OSBP: variants seen among roughly 807,000 people sequenced by gnomAD.
OSBP encodes the protein oxysterol binding protein, also known as oxysterol-binding protein 1.
OSBP carries 32 observed loss-of-function variants against 96.6 expected under a neutral mutation model. The ratio of observed to expected loss-of-function variants is 0.33; its 90% CI spans 0.25 to 0.45. The LOEUF is 0.45. Ranked by LOEUF, OSBP falls within the 20% of genes least tolerant of loss-of-function variation. The pLI, the probability that OSBP is intolerant of heterozygous loss-of-function variation, is 1.00. For missense variants in OSBP, 653 were observed against 1,029.7 expected (o/e 0.63, Z 5.01); for synonymous variants, 369 against 389.6 (o/e 0.95, Z 0.62).
At chr11:59,577,908 G>T (rs974702182) in intron 12 of OSBP, among the ~76,000 whole-genome samples, 2 of 152,152 alleles carry the variant, frequency 1.3e-5, no homozygotes, top group African/African-American at 4.8e-5. Flanking sequence ...ACAATCCAAA[G>T]GACCTTTAGA....
chr11:59,577,766 C>G (rs1860376632), intron 12 of OSBP, among the ~76,000 whole-genome samples: 1 of 152,248 alleles, frequency 6.6e-6, no homozygotes, highest in Non-Finnish European at 1.5e-5. Flanking sequence ...GCTGGGATTG[C>G]AGGCGTGAGC....
chr11:59,611,878 A>C (rs1565122143), intron 1 of OSBP, among the ~76,000 whole-genome samples: 1 of 152,212 alleles, frequency 6.6e-6, no homozygotes, highest in African/African-American at 2.4e-5. Flanking sequence ...GCTTCACATA[A>C]AATATCAAGC....
Position 59,578,179 on chromosome 11 carries a change from C to T in OSBP, c.2030G>A (p.Arg677Lys). 1 of 1,614,192 alleles carries T rather than the reference C, an allele frequency of 6.2e-7. No individual in the cohort carries two copies. Among genetic ancestry groups the T allele is most frequent in the Non-Finnish European group, 8.5e-7 (1 of 1,180,042 alleles). Residue 677 changes from arginine to lysine, a missense_variant, in exon 12 of 14, where the codon AGG becomes AAG. Arg to Lys is a conservative substitution (Grantham distance 26, BLOSUM62 2). This residue lies in a region of OSBP where 169 missense variants were observed against 251.5 expected (regional missense o/e 0.67). Coordinates refer to ENST00000263847, the MANE Select transcript of OSBP (RefSeq NM_002556.3). ...AGGATTCCTTTTCCACAGCATGACC[C>T]TGCTTTCCTCTGCTTCATGGCCTCT... ...RQRGHEAEES[R>K]VMLWKRNPLP... is the part of the protein sequence containing the mutation.
chr11:59,594,516 C>T (rs1860624361), intron 7 of OSBP, among the ~76,000 whole-genome samples: 1 of 152,184 alleles, frequency 6.6e-6, no homozygotes, highest in Non-Finnish European at 1.5e-5. Context: ...GCTACATACC[C>T]AAGATCCATC....
intron 1 of OSBP, 57 bp downstream of exon 1, chr11:59,615,246 G>C: frequency 7.0e-7 from 1 of 1,428,050 alleles, no homozygotes; most frequent in Non-Finnish European, 9.7e-7. Context: ...CCGGAGCTGG[G>C]ACTGTTGGCA....
At chr11:59,604,756 G>A (rs576350512) in intron 3 of OSBP, among the ~76,000 whole-genome samples, 12 of 151,926 alleles carry the variant, frequency 7.9e-5, no homozygotes, top group African/African-American at 1.9e-4. Context: ...TCAGAAGGCT[G>A]AGGAGTGAGA....
At chr11:59,587,496 C>T (rs988165037) in intron 9 of OSBP, among the ~76,000 whole-genome samples, 1 of 145,050 alleles carries the variant, frequency 6.9e-6, no homozygotes, top group African/African-American at 2.6e-5. Flanking sequence ...TGCGAGACTC[C>T]ATGTCAAAAA....
At chr11:59,595,944 AAAATAAATAAATAAATAAATAAATAAAT>A (rs139081696) in intron 7 of OSBP, among the ~76,000 whole-genome samples, 1 of 138,512 alleles carries the variant, frequency 7.2e-6, no homozygotes, top group Non-Finnish European at 1.5e-5. Context: ...ACTCTGTCTA[AAAATAAATAAATAAATAAATAAATAAAT>A]AAATAAATAA....
Position 59,591,011 on chromosome 11 carries a change from G to A in OSBP, c.1678+2593C>T, listed in dbSNP as rs75181985. Among the ~76,000 whole-genome samples, 867 of 152,278 alleles carry A rather than the reference G, an allele frequency of 5.7e-3. 4 individuals are homozygous for A. Among genetic ancestry groups the A allele is most frequent in the African/African-American group, 0.019 (781 of 41,554 alleles). ...TTCCCAAACACTGAGAACGATGCCC[G>A]CCATGTGGCAGATACTCAGTTAAGC... On this transcript the variant is annotated intron_variant, in intron 9 of 13. Transcript: ENST00000263847.
intron 6 of OSBP, 33 bp from the exon 7 acceptor site, chr11:59,600,660 C>T (rs1015559425): frequency 6.2e-7 from 1 of 1,601,638 alleles, no homozygotes; most frequent in African/African-American, 1.4e-5. Context: ...CAACCACCCA[C>T]AAAGAACAGA....
rs1330097161 is a variant in OSBP at position 59,576,458 on chromosome 11, T to A, written c.*119A>T. The A allele has an allele frequency of 8.8e-7, 1 of 1,130,216 alleles. No individual in the cohort carries two copies. Among genetic ancestry groups the A allele is most frequent in the Non-Finnish European group, 1.3e-6 (1 of 797,044 alleles). The allele number at this position is 1,130,216 out of a possible 1,614,324, so 70.0% of individuals were successfully genotyped here. On this transcript the variant is annotated 3_prime_UTR_variant, in exon 14 of 14. Coordinates refer to ENST00000263847, the MANE Select transcript of OSBP (RefSeq NM_002556.3). Reference sequence around the variant, plus strand: ...CTGGTGATTGATTTGGAAAAAATGATTGGTCAAGAGAGACAAACTTGAGGA... The same window carrying A: ...CTGGTGATTGATTTGGAAAAAATGAATGGTCAAGAGAGACAAACTTGAGGA...
chr11:59,602,553 C>T (rs1040740835), intron 3 of OSBP, among the ~76,000 whole-genome samples: 21 of 152,156 alleles, frequency 1.4e-4, no homozygotes, highest in African/African-American at 4.6e-4. Flanking sequence ...CTTCATAATA[C>T]GGCCATCACC....
chr11:59,595,254 A>G (rs1231796612), intron 7 of OSBP: 5 of 152,576 alleles, frequency 3.3e-5, no homozygotes, highest in African/African-American at 1.2e-4. Context: ...AAGCTTATTT[A>G]ATTAACAATA....
intron 3 of OSBP, among the ~76,000 whole-genome samples, chr11:59,607,844 G>A (rs1369665752): frequency 6.6e-6 from 1 of 152,198 alleles, no homozygotes; most frequent in Non-Finnish European, 1.5e-5. Context: ...GAGTCATAAG[G>A]AGGCTGAAGT....
At chr11:59,615,271 A>C in intron 1 of OSBP, 32 bp downstream of exon 1, 1 of 1,549,514 alleles carries the variant, frequency 6.5e-7, no homozygotes, top group Non-Finnish European at 8.8e-7. Flanking sequence ...TGGGGGAGGC[A>C]AGGTGAGCGA....
chr11:59,602,001 G>C (rs1359205630), intron 3 of OSBP, among the ~76,000 whole-genome samples, 163 bp from the exon 4 acceptor site: 1 of 152,140 alleles, frequency 6.6e-6, no homozygotes, highest in Non-Finnish European at 1.5e-5. Flanking sequence ...CTAGCTCCAC[G>C]CTGAAATCAA....
chr11:59,587,706 G>A (rs138361775), intron 9 of OSBP, among the ~76,000 whole-genome samples: 238 of 152,268 alleles, frequency 1.6e-3, no homozygotes, highest in African/African-American at 5.6e-3. Flanking sequence ...TGGAGTAACC[G>A]GAACCTTTGT....
intron 5 of OSBP, 43 bp downstream of exon 5, chr11:59,601,240 G>A (rs1256461939): frequency 1.8e-6 from 2 of 1,083,956 alleles, no homozygotes; most frequent in Admixed American, 1.7e-5. Context: ...CATATTGATG[G>A]TGAAGATATG....
chr11:59,603,981 T>C (rs777589319), intron 3 of OSBP, among the ~76,000 whole-genome samples: 11 of 152,218 alleles, frequency 7.2e-5, no homozygotes, highest in Non-Finnish European at 1.3e-4. Context: ...TCTTCTTTAA[T>C]ATTTTAAAAA....
Sources: gnomAD v4.1 joint callset for allele counts (sites outside exome capture counted in the v4.1 genomes callset) on GRCh38, gnomAD v4.1.1 for gene constraint, gnomAD v4.1.1 regional missense constraint, MANE v1.5 for transcripts, NCBI Gene and HGNC (gene_info 2026-07-23, HGNC 2026-07-21) for gene names.